Variants in PNOC observed in about 807,000 individuals in gnomAD.
The protein encoded by PNOC is prepronociceptin.
PNOC carries 10 observed loss-of-function variants against 15.6 expected under a neutral mutation model. That is an observed-to-expected ratio of 0.64 (90% CI 0.40 to 1.09). The LOEUF is 1.09. Among genes scored for constraint, PNOC ranks in the 50% least tolerant of loss-of-function variants. The pLI, the probability that PNOC is intolerant of heterozygous loss-of-function variation, is 0.01. For missense variants in PNOC, 220 were observed against 223.9 expected, an observed-to-expected ratio of 0.98 and a Z score of 0.11; for synonymous variants, 98 against 88.5, an observed-to-expected ratio of 1.11 and a Z score of -0.60.
chr8:28,324,470 C>T (rs956460337), intron 1 of PNOC, among the ~76,000 whole-genome samples: 6 of 152,174 alleles, frequency 3.9e-5, no homozygotes, highest in Admixed American at 1.3e-4. Flanking sequence ...CTTTCTTCTG[C>T]GACGTATAGC....
At chr8:28,336,265 C>T (rs1369353937) in intron 2 of PNOC, among the ~76,000 whole-genome samples, 2 of 152,230 alleles carry the variant, frequency 1.3e-5, no homozygotes, top group East Asian at 3.8e-4. Context: ...TGGTCCCTAA[C>T]TTGTCATATT....
At chr8:28,324,250 A>C (rs1032216964) in intron 1 of PNOC, among the ~76,000 whole-genome samples, 1 of 152,108 alleles carries the variant, frequency 6.6e-6, no homozygotes, top group African/African-American at 2.4e-5. Context: ...CTTAAATCCC[A>C]TTTACCCAGA....
At chr8:28,328,428 T>C (rs982862919) in intron 1 of PNOC, among the ~76,000 whole-genome samples, 3 of 151,736 alleles carry the variant, frequency 2.0e-5, no homozygotes, top group African/African-American at 4.8e-5. Context: ...GATTTCAACA[T>C]AGGAATTTTA....
Position 28,329,293 on chromosome 8 carries a change from C to T in PNOC, c.126+10C>T, listed in dbSNP as rs913678259. ...CAGCTTCGACCTGGAGGTAGGTCTC[C>T]AAGGCAAGGCAGAGAGGCTGTCCTC... On this transcript the variant is annotated intron_variant, in intron 2 of 3. Coordinates refer to ENST00000301908, the MANE Select transcript of PNOC (RefSeq NM_006228.5). The T allele has an allele frequency of 2.5e-6, 4 of 1,612,256 alleles. No individual in the cohort carries two copies. The highest frequency in any genetic ancestry group is 3.4e-6 in the Non-Finnish European group (4 of 1,180,004).
At chr8:28,340,605 T>C (rs1168332719) in intron 3 of PNOC, among the ~76,000 whole-genome samples, 3 of 152,266 alleles carry the variant, frequency 2.0e-5, no homozygotes, top group African/African-American at 7.2e-5. Flanking sequence ...TCATCCATTT[T>C]GCATTGCTAC....
At chr8:28,334,049 A>AACACAC (rs71678743) in intron 2 of PNOC, among the ~76,000 whole-genome samples, 4,180 of 146,920 alleles carry the variant, frequency 0.028, 197 homozygotes, top group African/African-American at 0.096. Context: ...AGGTGCCAGT[A>AACACAC]ACACACACAC....
At chr8:28,334,419 TC>T (rs1460955232) in intron 2 of PNOC, among the ~76,000 whole-genome samples, 2 of 152,142 alleles carry the variant, frequency 1.3e-5, no homozygotes, top group Non-Finnish European at 2.9e-5. Flanking sequence ...AATACAAATT[TC>T]TGGGCCCCAC....
At chr8:28,324,928 A>T (rs1479701750) in intron 1 of PNOC, among the ~76,000 whole-genome samples, 3 of 152,066 alleles carry the variant, frequency 2.0e-5, no homozygotes, top group Admixed American at 6.6e-5. Context: ...TTCCTTTCGT[A>T]TATATTCTTA....
At chr8:28,332,393 C>T (rs1408351369) in intron 2 of PNOC, among the ~76,000 whole-genome samples, 1 of 152,200 alleles carries the variant, frequency 6.6e-6, no homozygotes, top group African/African-American at 2.4e-5. Flanking sequence ...TCCCAGGATC[C>T]TCTGGATCCT....
intron 1 of PNOC, among the ~76,000 whole-genome samples, chr8:28,325,651 CA>C (rs1260926640): frequency 2.5e-3 from 135 of 54,168 alleles, no homozygotes; most frequent in Admixed American, 5.1e-3. Context: ...GACTCTGTCT[CA>C]AAAAAAAAAA....
At chr8:28,318,357 C>A (rs970569081) in intron 1 of PNOC, among the ~76,000 whole-genome samples, 3 of 152,172 alleles carry the variant, frequency 2.0e-5, no homozygotes, top group South Asian at 2.1e-4. Flanking sequence ...TGTTTAGCTT[C>A]CTCAAGCAGC....
chr8:28,331,945 G>T (rs1801336315), intron 2 of PNOC, among the ~76,000 whole-genome samples: 1 of 152,172 alleles, frequency 6.6e-6, no homozygotes, highest in Admixed American at 6.5e-5. Flanking sequence ...AAGACCATTA[G>T]TCTCCTAATA....
intron 2 of PNOC, among the ~76,000 whole-genome samples, chr8:28,335,972 G>A (rs2722934): frequency 0.33 from 49,606 of 151,898 alleles, 9,975 homozygotes; most frequent in Non-Finnish European, 0.46. Context: ...TGGGACAGAT[G>A]AGTAATCAGA....
intron 2 of PNOC, among the ~76,000 whole-genome samples, chr8:28,333,036 T>A (rs554121520): frequency 6.6e-6 from 1 of 152,366 alleles, no homozygotes; most frequent in Admixed American, 6.5e-5. Flanking sequence ...ATGAAAATTC[T>A]AATGAGGTGA....
At chr8:28,340,596 C>T (rs1801500139) in intron 3 of PNOC, among the ~76,000 whole-genome samples, 1 of 152,214 alleles carries the variant, frequency 6.6e-6, no homozygotes, top group Non-Finnish European at 1.5e-5. Context: ...TTGCCATATT[C>T]ATCCATTTTG....
chr8:28,318,272 G>A (rs1801091740), intron 1 of PNOC, among the ~76,000 whole-genome samples: 1 of 152,160 alleles, frequency 6.6e-6, no homozygotes, highest in African/African-American at 2.4e-5. Context: ...AGTAAGGCAG[G>A]ATGATTCGGG....
intron 3 of PNOC, among the ~76,000 whole-genome samples, 158 bp from the exon 4 acceptor site, chr8:28,342,784 G>A (rs1050402391): frequency 5.3e-5 from 8 of 152,186 alleles, no homozygotes; most frequent in Non-Finnish European, 7.3e-5. Flanking sequence ...GCAGATGTGC[G>A]GAGATGCTGA....
chr8:28,329,031 A>G, intron 1 of PNOC, 104 bp from the exon 2 acceptor site: 1 of 1,150,732 alleles, frequency 8.7e-7, no homozygotes, highest in South Asian at 1.4e-5. Flanking sequence ...CCTGCCAGAG[A>G]CAGCAGAGAA....
intron 1 of PNOC, among the ~76,000 whole-genome samples, chr8:28,319,080 A>G (rs1801105790): frequency 6.6e-6 from 1 of 151,796 alleles, no homozygotes; most frequent in South Asian, 2.1e-4. Context: ...ACATTTGTAC[A>G]ACGATTTAGG....
Sources: allele counts gnomAD v4.1 joint callset (sites outside exome capture counted in the v4.1 genomes callset), GRCh38; gene constraint gnomAD v4.1.1; transcripts MANE v1.5; gene names NCBI Gene and HGNC (gene_info 2026-07-23, HGNC 2026-07-21).